Variants in ZC4H2 observed in about 807,000 individuals in gnomAD.
ZC4H2 encodes zinc finger C4H2-type containing.
For synonymous variants in ZC4H2, 84 were observed against 66.3 expected (o/e 1.27, Z -1.30); for missense variants, 137 against 173.9 (o/e 0.79, Z 1.19).
At chrX:65,032,734 T>TTCC (rs1932948875) in intron 1 of ZC4H2, among the ~76,000 whole-genome samples, 3 of 86,789 alleles carry the variant, frequency 3.5e-5, no homozygotes, top group Non-Finnish European at 6.6e-5. Context: ...TTCTTCTTTC[T>TTCC]TTCCTTCCTT....
At chrX:64,947,335 A>G (rs773573705) in intron 1 of ZC4H2, among the ~76,000 whole-genome samples, 3 of 111,822 alleles carry the variant, frequency 2.7e-5, no homozygotes, top group African/African-American at 9.7e-5. Context: ...TGTTCTATAA[A>G]TGTCAATGAG....
intron 1 of ZC4H2, among the ~76,000 whole-genome samples, chrX:64,927,778 T>A (rs986009160): frequency 1.8e-5 from 2 of 112,463 alleles, no homozygotes; most frequent in African/African-American, 6.5e-5. Flanking sequence ...TTTCTCCACA[T>A]AATCAGCATC....
upstream of ZC4H2, among the ~76,000 whole-genome samples, chrX:64,979,551 C>T (rs1409838491): frequency 8.9e-6 from 1 of 112,130 alleles, no homozygotes; most frequent in Non-Finnish European, 1.9e-5. Context: ...TTTAAGAATC[C>T]AGGCTAGCAG....
At chrX:64,993,338 A>G (rs1230395566) in intron 1 of ZC4H2, among the ~76,000 whole-genome samples, 1 of 111,438 alleles carries the variant, frequency 9.0e-6, no homozygotes, top group Non-Finnish European at 1.9e-5. Flanking sequence ...TGATTTATTG[A>G]TTTTAGATCT....
intron 1 of ZC4H2, among the ~76,000 whole-genome samples, chrX:64,927,144 A>G (rs1413423237): frequency 9.1e-6 from 1 of 109,771 alleles, no homozygotes; most frequent in Non-Finnish European, 1.9e-5. Context: ...TCTTTTTTTT[A>G]TTATTATACT....
intron 1 of ZC4H2, among the ~76,000 whole-genome samples, chrX:64,950,572 T>C (rs898028040): frequency 1.8e-5 from 2 of 111,316 alleles, no homozygotes; most frequent in African/African-American, 6.5e-5. Flanking sequence ...TTAGCTCTTC[T>C]TGTTGAATTG....
chrX:64,962,675 TAATA>T (rs1290330290), intron 1 of ZC4H2, among the ~76,000 whole-genome samples: 1 of 111,749 alleles, frequency 8.9e-6, no homozygotes, highest in African/African-American at 3.2e-5. Context: ...TTGTTAGAAT[TAATA>T]AATGAATTCA....
chrX:64,940,061 C>G (rs1930198510), intron 1 of ZC4H2, among the ~76,000 whole-genome samples: 1 of 111,697 alleles, frequency 9.0e-6, no homozygotes, highest in Non-Finnish European at 1.9e-5. Flanking sequence ...CACATCCTCT[C>G]CAGCTTCTGT....
At chrX:64,932,547 G>A in intron 1 of ZC4H2, among the ~76,000 whole-genome samples, 1 of 111,489 alleles carries the variant, frequency 9.0e-6, no homozygotes, top group Middle Eastern at 4.6e-3. Context: ...ATTTATTGTA[G>A]TGCTTGTTTG....
intron 1 of ZC4H2, among the ~76,000 whole-genome samples, chrX:65,008,890 T>C (rs764852787): frequency 2.2e-4 from 24 of 111,428 alleles, no homozygotes; most frequent in Non-Finnish European, 1.7e-4. Flanking sequence ...TAAGATCTAG[T>C]GTTTGGTAGC....
chrX:64,940,757 A>T (rs911251066), intron 1 of ZC4H2, among the ~76,000 whole-genome samples: 1 of 106,780 alleles, frequency 9.4e-6, no homozygotes, highest in African/African-American at 3.4e-5. Context: ...GTTGGTCTAT[A>T]TATCTGTTTT....
At chrX:65,010,514 A>T (rs989284185) in intron 1 of ZC4H2, among the ~76,000 whole-genome samples, 2 of 111,502 alleles carry the variant, frequency 1.8e-5, no homozygotes, top group Non-Finnish European at 3.8e-5. Flanking sequence ...AATATTTCCA[A>T]TCTTTTTTGG....
At chrX:64,982,331 AG>A (rs1201289635) in intron 1 of ZC4H2, among the ~76,000 whole-genome samples, 8 of 112,066 alleles carry the variant, frequency 7.1e-5, no homozygotes, top group African/African-American at 2.6e-4. Flanking sequence ...CATCTTTCCC[AG>A]GCTGGGGTAC....
chrX:65,023,906 C>T (rs1042257296), intron 1 of ZC4H2, among the ~76,000 whole-genome samples: 1 of 111,930 alleles, frequency 8.9e-6, no homozygotes, highest in Non-Finnish European at 1.9e-5. Context: ...CACATATACA[C>T]CATGGAATAC....
chrX:65,001,122 G>A (rs1387496767), intron 1 of ZC4H2, among the ~76,000 whole-genome samples: 1 of 110,100 alleles, frequency 9.1e-6, no homozygotes, highest in East Asian at 2.8e-4. Context: ...GTAACCAGAA[G>A]ACACATAATC....
chrX:64,954,549 C>A (rs1234171519), intron 1 of ZC4H2, among the ~76,000 whole-genome samples: 1 of 104,168 alleles, frequency 9.6e-6, no homozygotes, highest in African/African-American at 3.6e-5. Flanking sequence ...CCTTTGAAGT[C>A]ATTTCCACAG....
At chrX:64,952,410 A>G (rs1356660740) in intron 1 of ZC4H2, among the ~76,000 whole-genome samples, 2 of 109,955 alleles carry the variant, frequency 1.8e-5, no homozygotes. Context: ...CATTTTCACA[A>G]TATTGACCCC....
intron 4 of ZC4H2, chrX:64,918,375 C>T (rs891332597): frequency 8.7e-6 from 1 of 114,852 alleles, no homozygotes; most frequent in Non-Finnish European, 1.8e-5. Context: ...CACAGACATG[C>T]ATGTGGGCCA....
Position 64,919,214 on chromosome X carries a change from T to C in ZC4H2, c.399-10A>G. 8.3e-7 allele frequency: 1 copy of C among 1,210,182 alleles called. No homozygotes were observed. The highest frequency in any genetic ancestry group is 1.1e-6 in the Non-Finnish European group (1 of 894,667). ...CTGCTTCTCAAAGTAACTTTGGAGA[T>C]GAGAGACACTGGCTAGATCATTCTG... On this transcript the variant is annotated splice_polypyrimidine_tract_variant and intron_variant, in intron 3 of 4. Transcript: ENST00000374839.
Sources: allele counts gnomAD v4.1 joint callset (sites outside exome capture counted in the v4.1 genomes callset), GRCh38; gene constraint gnomAD v4.1.1; transcripts MANE v1.5; gene names NCBI Gene and HGNC (gene_info 2026-07-23, HGNC 2026-07-21).